The following POC1B variants were observed in gnomAD, a reference collection of about 807,000 sequenced individuals.
The protein encoded by POC1B is POC1 centriolar protein homolog B.
In POC1B, 44 loss-of-function variants were observed where a neutral mutation model predicts 60.6. The observed-to-expected ratio is 0.73, with a 90% CI of 0.57 to 0.93. The LOEUF (loss-of-function observed/expected upper bound fraction) is 0.93. Ranked by LOEUF, POC1B falls within the 40% of genes least tolerant of loss-of-function variation. The probability of loss-of-function intolerance (pLI) is 0.00; values close to 1 mark genes in which losing one functional copy is unlikely to be tolerated. For synonymous variants in POC1B, 180 were observed against 198.9 expected, an observed-to-expected ratio of 0.90 and a Z score of 0.80; for missense variants, 555 against 572.3, an observed-to-expected ratio of 0.97 and a Z score of 0.31.
At chr12:89,517,221 T>A (rs1004599575) in intron 2 of POC1B, among the ~76,000 whole-genome samples, 5 of 152,186 alleles carry the variant, frequency 3.3e-5, no homozygotes, top group Admixed American at 6.5e-5. Context: ...GCTACTCTCC[T>A]TTTAGTCCTT....
rs777813965 is a variant in POC1B at position 89,459,625 on chromosome 12, A to AC, written c.1113+12_1113+13insG. Reference sequence around the variant, plus strand: ...ACTTAAGTGTCAAAAAAAAAAAAAAAAACCCGACTTACTGTGGTAGAATCA... The same window carrying AC: ...ACTTAAGTGTCAAAAAAAAAAAAAAACAACCCGACTTACTGTGGTAGAATCA... On this transcript the variant is annotated intron_variant, in intron 10 of 11. Transcript: ENST00000313546. 1 of 1,401,188 alleles carries AC rather than the reference A, an allele frequency of 7.1e-7. No individual in the cohort carries two copies. Among genetic ancestry groups the AC allele is most frequent in the East Asian group, 2.4e-5 (1 of 41,258 alleles). 86.8% of individuals were successfully genotyped at this position (1,401,188 alleles called of 1,614,324 possible). A position where few individuals can be genotyped will look rare whatever the true frequency, so the allele number is the denominator to read the frequency against.
chr12:89,501,762 T>C, intron 2 of POC1B: 2 of 954,284 alleles, frequency 2.1e-6, no homozygotes, highest in African/African-American at 1.6e-5. Flanking sequence ...TACCACTGCA[T>C]CACAACAGTA....
chr12:89,525,285 C>G (rs1165193759), intron 1 of POC1B, 81 bp from the exon 2 acceptor site: 2 of 1,512,252 alleles, frequency 1.3e-6, no homozygotes, highest in Non-Finnish European at 1.8e-6. Flanking sequence ...GCCACTTCCC[C>G]GGAGTCCGGC....
At chr12:89,519,516 C>A (rs1474331909) in intron 2 of POC1B, 1 of 152,506 alleles carries the variant, frequency 6.6e-6, no homozygotes, top group Non-Finnish European at 1.5e-5. Flanking sequence ...AAAAAAACAT[C>A]ATTCAGAAGA....
rs1265651782 is a variant in POC1B at position 89,491,960 on chromosome 12, T to C, written c.428A>G (p.His143Arg). Residue 143 changes from histidine (H) to arginine (R), a missense_variant, in exon 4 of 12, where the codon CAT becomes CGT. By Grantham distance (29) the His-to-Arg change is conservative. Transcript: ENST00000313546. Reference sequence around the variant, plus strand: ...CTTGGCACAGCGTACCCAGTGTGTATGTCGATACAAGGAATACAGGAAGCG... The same window carrying C: ...CTTGGCACAGCGTACCCAGTGTGTACGTCGATACAAGGAATACAGGAAGCG... ...RQRFLYSLYRHTHWVRCAKFS... is the reference protein window; with the variant it reads ...RQRFLYSLYRRTHWVRCAKFS... 7.6e-6 allele frequency: 12 copies of C among 1,574,982 alleles called. No homozygotes were observed. The highest frequency in any genetic ancestry group is 8.6e-6 in the Non-Finnish European group (10 of 1,165,312).
intron 10 of POC1B, among the ~76,000 whole-genome samples, chr12:89,459,375 C>T (rs1182340942): frequency 5.7e-5 from 8 of 139,904 alleles, no homozygotes; most frequent in Middle Eastern, 3.8e-3. Context: ...CTAACCTGCA[C>T]GTTGTGCACA....
Position 89,420,449 on chromosome 12 carries a change from C to A in POC1B, c.*704G>T, listed in dbSNP as rs921830978. On this transcript the variant is annotated 3_prime_UTR_variant, in exon 12 of 12. Coordinates refer to ENST00000313546, the MANE Select transcript of POC1B (RefSeq NM_172240.3). ...ATCAGATACAACCCAAATCATTCAT[C>A]TAGCACATTCATCTGTGATAGAAAG... 1 of 152,170 alleles carries A rather than the reference C, an allele frequency of 6.6e-6. No homozygotes were observed. The highest frequency in any genetic ancestry group is 2.4e-5 in the African/African-American group (1 of 41,442). 9.4% of individuals were successfully genotyped at this position (152,170 alleles called of 1,614,324 possible). A position where few individuals can be genotyped will look rare whatever the true frequency, so the allele number is the denominator to read the frequency against.
chr12:89,510,625 C>G (rs763962668), intron 2 of POC1B, among the ~76,000 whole-genome samples: 1 of 152,216 alleles, frequency 6.6e-6, no homozygotes, highest in Non-Finnish European at 1.5e-5. Flanking sequence ...CTCTGTAGGT[C>G]AGTGCCTGAA....
rs373903499 is a variant in POC1B, at chr12:89,523,365, G to A, written c.100+1755C>T. The A allele has an allele frequency of 2.1e-5, 34 of 1,613,876 alleles. No individual in the cohort carries two copies. The African/African-American group carries it at 3.5e-4, about 16-fold the overall frequency. ...CTTTTCTTGCTGGAGGGTTTCTATT[G>A]TAGAAGTGCTCTTTGTATTCATCCA... On this transcript the variant is annotated intron_variant, in intron 2 of 11. Coordinates refer to ENST00000313546, the MANE Select transcript of POC1B (RefSeq NM_172240.3).
intron 2 of POC1B, among the ~76,000 whole-genome samples, chr12:89,498,773 T>C (rs1291691617): frequency 6.6e-6 from 1 of 152,166 alleles, no homozygotes; most frequent in African/African-American, 2.4e-5. Context: ...TGAGTTATCA[T>C]ATGTAATAAA....
At chr12:89,484,555 C>A (rs774636563) in intron 4 of POC1B, among the ~76,000 whole-genome samples, 2 of 152,230 alleles carry the variant, frequency 1.3e-5, no homozygotes, top group African/African-American at 2.4e-5. Flanking sequence ...TTAATTGGCA[C>A]TTTACATTCA....
intron 2 of POC1B, chr12:89,500,513 A>T (rs200859928): frequency 1.2e-6 from 2 of 1,602,422 alleles, no homozygotes; most frequent in Non-Finnish European, 1.7e-6. Flanking sequence ...AAGTAGAAAC[A>T]TAAATGATCA....
chr12:89,456,395 G>A (rs564962051), intron 10 of POC1B, among the ~76,000 whole-genome samples: 5 of 152,222 alleles, frequency 3.3e-5, no homozygotes, highest in African/African-American at 1.2e-4. Flanking sequence ...AGAGGAGTGG[G>A]ACATCCCGTG....
intron 4 of POC1B, among the ~76,000 whole-genome samples, chr12:89,487,219 C>T (rs1868685443): frequency 1.3e-5 from 2 of 152,108 alleles, no homozygotes; most frequent in Admixed American, 6.5e-5. Context: ...GCTGACTGTC[C>T]GCTCTGGAAC....
chr12:89,444,435 G>A (rs1881675032), intron 10 of POC1B, among the ~76,000 whole-genome samples: 1 of 152,204 alleles, frequency 6.6e-6, no homozygotes. Context: ...TCCCTCAGAT[G>A]GAAGACTGGT....
At chr12:89,491,188 CT>C (rs946837869) in intron 4 of POC1B, among the ~76,000 whole-genome samples, 1 of 152,182 alleles carries the variant, frequency 6.6e-6, no homozygotes, top group Admixed American at 6.5e-5. Context: ...GGCTTCTGCC[CT>C]TGCTTCTCCT....
chr12:89,470,806 C>A (rs1251386703), intron 6 of POC1B, among the ~76,000 whole-genome samples: 2 of 152,106 alleles, frequency 1.3e-5, no homozygotes, highest in African/African-American at 2.4e-5. Context: ...GGGTATATAA[C>A]CTAGTCTCAA....
At chr12:89,501,303 T>A (rs978791502) in intron 2 of POC1B, 2 of 1,004,754 alleles carry the variant, frequency 2.0e-6, no homozygotes, top group African/African-American at 1.6e-5. Context: ...CTACAAAATA[T>A]GAAATGTATT....
downstream of POC1B, among the ~76,000 whole-genome samples, chr12:89,415,311 T>G (rs188794064): frequency 1.3e-5 from 2 of 152,182 alleles, no homozygotes; most frequent in African/African-American, 4.8e-5. Context: ...GAAATCATAC[T>G]TTTTGGAAAT....
Sources: allele counts gnomAD v4.1 joint callset (sites outside exome capture counted in the v4.1 genomes callset), GRCh38; gene constraint gnomAD v4.1.1; transcripts MANE v1.5; gene names NCBI Gene and HGNC (gene_info 2026-07-23, HGNC 2026-07-21).